Variants in SMYD3 observed in about 807,000 individuals in gnomAD.
SMYD3 encodes SET and MYND domain containing 3, also known as histone-lysine N-methyltransferase SMYD3.
A neutral mutation model predicts 57.7 loss-of-function variants in SMYD3; 36 were observed. The ratio of observed to expected loss-of-function variants is 0.62; its 90% CI spans 0.48 to 0.82. The LOEUF is 0.82. Ranked by LOEUF, SMYD3 falls within the 40% of genes least tolerant of loss-of-function variation. SMYD3 has a pLI of 0.00. For synonymous variants in SMYD3, 211 were observed against 195.0 expected, an observed-to-expected ratio of 1.08 and a Z score of -0.68; for missense variants, 515 against 538.8, an observed-to-expected ratio of 0.96 and a Z score of 0.44.
At chr1:245,901,826 G>A (rs1051938916) in intron 8 of SMYD3, among the ~76,000 whole-genome samples, 1 of 152,144 alleles carries the variant, frequency 6.6e-6, no homozygotes, top group Non-Finnish European at 1.5e-5. Flanking sequence ...CCCATTGTAG[G>A]GAAAAGGTAA....
chr1:246,266,253 A>G (rs1442479472), intron 5 of SMYD3, among the ~76,000 whole-genome samples: 1 of 152,150 alleles, frequency 6.6e-6, no homozygotes, highest in Non-Finnish European at 1.5e-5. Flanking sequence ...AAAGAACTCT[A>G]TTGGGAATGT....
chr1:246,207,853 T>A (rs1324902515), intron 5 of SMYD3, among the ~76,000 whole-genome samples: 1 of 151,348 alleles, frequency 6.6e-6, no homozygotes, highest in Non-Finnish European at 1.5e-5. Flanking sequence ...AATCTCAAGT[T>A]TTCACAGGAA....
chr1:246,267,174 T>C (rs1190694916), intron 5 of SMYD3, among the ~76,000 whole-genome samples: 1 of 152,168 alleles, frequency 6.6e-6, no homozygotes, highest in Non-Finnish European at 1.5e-5. Context: ...ATAGCCTGAA[T>C]ACAAAGGAGC....
intron 5 of SMYD3, among the ~76,000 whole-genome samples, chr1:246,060,325 T>C (rs951550401): frequency 1.3e-5 from 2 of 151,786 alleles, no homozygotes; most frequent in African/African-American, 4.8e-5. Flanking sequence ...TTTTTAAACA[T>C]TATATATCTG....
chr1:246,307,254 A>C (rs956939806), intron 5 of SMYD3, among the ~76,000 whole-genome samples: 5 of 152,118 alleles, frequency 3.3e-5, no homozygotes, highest in African/African-American at 1.2e-4. Context: ...TGAGATCCCA[A>C]ATCCTGAGTC....
chr1:246,194,254 T>C (rs769671590), intron 5 of SMYD3, among the ~76,000 whole-genome samples: 13 of 151,658 alleles, frequency 8.6e-5, no homozygotes, highest in Non-Finnish European at 1.8e-4. Flanking sequence ...TATACTACAG[T>C]TCTTGTGGGG....
chr1:246,419,378 G>C (rs948111228), intron 1 of SMYD3, among the ~76,000 whole-genome samples: 2 of 152,180 alleles, frequency 1.3e-5, no homozygotes, highest in African/African-American at 4.8e-5. Flanking sequence ...TCCTCCCGAT[G>C]TCCGGCCACT....
At chr1:245,994,760 G>T (rs765746198) in intron 5 of SMYD3, among the ~76,000 whole-genome samples, 97 of 151,962 alleles carry the variant, frequency 6.4e-4, no homozygotes, top group Non-Finnish European at 1.3e-3. Flanking sequence ...GTACTAGGTG[G>T]TATGAAGTGA....
chr1:246,115,117 A>G (rs560136771), intron 5 of SMYD3, among the ~76,000 whole-genome samples: 1 of 152,212 alleles, frequency 6.6e-6, no homozygotes, highest in South Asian at 2.1e-4. Context: ...AATACCAGAG[A>G]GGAAAGAAGT....
At chr1:245,904,678 A>C (rs2054432409) in intron 8 of SMYD3, among the ~76,000 whole-genome samples, 1 of 152,128 alleles carries the variant, frequency 6.6e-6, no homozygotes, top group South Asian at 2.1e-4. Flanking sequence ...TAACGACTGC[A>C]ACTCGTAGGC....
chr1:245,818,210 C>T (rs1402390571), intron 10 of SMYD3, among the ~76,000 whole-genome samples: 1 of 152,156 alleles, frequency 6.6e-6, no homozygotes, highest in South Asian at 2.1e-4. Context: ...CAGCAGAAAC[C>T]CTACAAGCCA....
At chr1:246,383,772 C>T (rs932628401) in intron 1 of SMYD3, among the ~76,000 whole-genome samples, 2 of 152,188 alleles carry the variant, frequency 1.3e-5, no homozygotes, top group South Asian at 4.1e-4. Context: ...CCAAAGTTAA[C>T]AAATAACTCC....
At chr1:246,019,319 CCCAAA>C (rs1167423301) in intron 5 of SMYD3, among the ~76,000 whole-genome samples, 1 of 152,222 alleles carries the variant, frequency 6.6e-6, no homozygotes, top group African/African-American at 2.4e-5. Flanking sequence ...GGTTATCCAG[CCCAAA>C]ATGTCACTAG....
At chr1:246,276,003 T>C (rs370535308) in intron 5 of SMYD3, among the ~76,000 whole-genome samples, 1 of 133,162 alleles carries the variant, frequency 7.5e-6, no homozygotes. Flanking sequence ...CTGATGCCCA[T>C]GTTTGAATAC....
chr1:245,857,881 A>G (rs2051331902), intron 10 of SMYD3, among the ~76,000 whole-genome samples: 1 of 152,164 alleles, frequency 6.6e-6, no homozygotes, highest in African/African-American at 2.4e-5. Context: ...TCTCAGGGCA[A>G]AACACCTACT....
rs76386666 is a variant in SMYD3 at position 245,823,361 on chromosome 1, T to A, written c.1076+35135A>T. On this transcript the variant is annotated intron_variant, in intron 10 of 11. Coordinates refer to ENST00000490107, the MANE Select transcript of SMYD3 (RefSeq NM_001167740.2). ...CGCTCGTGCTTGCTCGCTCTCGCTC[T>A]CTCTCTCTCTTTTCTAAGGCTCCAG... Among the ~76,000 whole-genome samples, 5 of 17,768 alleles carry A rather than the reference T, an allele frequency of 2.8e-4. No homozygotes were observed. In the Non-Finnish European group the frequency reaches 3.2e-3, roughly 11 times the overall value. 11.7% of individuals were successfully genotyped at this position (17,768 alleles called of 152,430 possible). A position where few individuals can be genotyped will look rare whatever the true frequency, so the allele number is the denominator to read the frequency against.
At chr1:246,446,223 C>A (rs114719919) in intron 1 of SMYD3, among the ~76,000 whole-genome samples, 1 of 152,304 alleles carries the variant, frequency 6.6e-6, no homozygotes, top group African/African-American at 2.4e-5. Context: ...CATTTTACTA[C>A]TGGCCAAACT....
intron 5 of SMYD3, among the ~76,000 whole-genome samples, chr1:245,993,776 T>A (rs932237485): frequency 3.9e-5 from 6 of 152,146 alleles, no homozygotes; most frequent in Admixed American, 2.0e-4. Flanking sequence ...TTAATGGGCA[T>A]TGAATTTTAG....
At chr1:246,016,736 G>C (rs954125644) in intron 5 of SMYD3, among the ~76,000 whole-genome samples, 4 of 151,996 alleles carry the variant, frequency 2.6e-5, no homozygotes, top group Non-Finnish European at 5.9e-5. Context: ...TGAGATGAGG[G>C]CAGAATGAGG....
Sources: gnomAD v4.1 joint callset for allele counts (sites outside exome capture counted in the v4.1 genomes callset) on GRCh38, gnomAD v4.1.1 for gene constraint, MANE v1.5 for transcripts, NCBI Gene and HGNC (gene_info 2026-07-23, HGNC 2026-07-21) for gene names.